The following LRIG1 variants were observed in gnomAD, a reference collection of about 807,000 sequenced individuals.
The protein encoded by LRIG1 is leucine-rich repeats and immunoglobulin-like domains protein 1.
In LRIG1, 48 loss-of-function variants were observed where a neutral mutation model predicts 99.2. That is an observed-to-expected ratio of 0.48 (90% CI 0.38 to 0.62). LRIG1 has a LOEUF of 0.62. Among genes scored for constraint, LRIG1 ranks in the 20% least tolerant of loss-of-function variants. The pLI, the probability that LRIG1 is intolerant of heterozygous loss-of-function variation, is 0.00. For synonymous variants in LRIG1, 772 were observed against 596.1 expected, an observed-to-expected ratio of 1.29 and a Z score of -4.30; for missense variants, 1,646 against 1,434.4, an observed-to-expected ratio of 1.15 and a Z score of -2.38.
chr3:66,463,684 A>G (rs1466508122), intron 1 of LRIG1, among the ~76,000 whole-genome samples: 1 of 152,218 alleles, frequency 6.6e-6, no homozygotes, highest in Non-Finnish European at 1.5e-5. Context: ...TTTTCATCTC[A>G]GCTATTAATT....
Position 66,386,269 on chromosome 3 carries a change from G to C in LRIG1, c.1501C>G (p.Pro501Ala). The C allele has an allele frequency of 6.2e-7, 1 of 1,614,074 alleles. No individual in the cohort carries two copies. Residue 501 changes from proline to alanine, a missense_variant, in exon 13 of 19, where the codon CCA (proline) becomes GCA (alanine). Transcript: ENST00000273261. ...DFLKPQIITQPETTMAMVGKD... is the reference protein window; with the variant it reads ...DFLKPQIITQAETTMAMVGKD... ...CCCACCATAGCCATGGTGGTTTCTG[G>C]CTGGGTGATGATCTGTGGCTTCAGG...
At chr3:66,491,451 A>G (rs1701099877) in intron 1 of LRIG1, among the ~76,000 whole-genome samples, 1 of 152,192 alleles carries the variant, frequency 6.6e-6, no homozygotes, top group African/African-American at 2.4e-5. Context: ...AGAGCTTGCT[A>G]AACACCTCCT....
At chr3:66,382,872 G>T (rs1701163305) in intron 15 of LRIG1, 110 bp downstream of exon 15, 2 of 984,492 alleles carry the variant, frequency 2.0e-6, no homozygotes, top group Admixed American at 2.7e-5. Context: ...ACCCTCAGGA[G>T]TTCTGAACAC....
chr3:66,479,013 C>T (rs747598177), intron 1 of LRIG1, among the ~76,000 whole-genome samples: 1 of 152,174 alleles, frequency 6.6e-6, no homozygotes, highest in Non-Finnish European at 1.5e-5. Flanking sequence ...TCAATTAGCT[C>T]TGTCAGCCCA....
intron 3 of LRIG1, among the ~76,000 whole-genome samples, chr3:66,433,160 G>C (rs957915305): frequency 6.6e-6 from 1 of 152,202 alleles, no homozygotes; most frequent in Non-Finnish European, 1.5e-5. Context: ...AAAGAAACTT[G>C]TTCGCTCATT....
chr3:66,479,161 C>G (rs1309464472), intron 1 of LRIG1, among the ~76,000 whole-genome samples: 1 of 152,250 alleles, frequency 6.6e-6, no homozygotes, highest in Non-Finnish European at 1.5e-5. Context: ...CAATACTGCA[C>G]TTCTGTCTAA....
At chr3:66,410,753 T>C (rs1052017009) in intron 6 of LRIG1, among the ~76,000 whole-genome samples, 12 of 152,116 alleles carry the variant, frequency 7.9e-5, no homozygotes, top group African/African-American at 2.7e-4. Context: ...ATTAAAGGAA[T>C]AGAAAGGAGA....
intron 2 of LRIG1, among the ~76,000 whole-genome samples, chr3:66,455,943 T>C (rs909807566): frequency 2.6e-5 from 4 of 152,260 alleles, no homozygotes; most frequent in African/African-American, 7.2e-5. Context: ...AAGTTTTCTA[T>C]GTGCAATATC....
chr3:66,498,496 T>C (rs775785532), intron 1 of LRIG1, among the ~76,000 whole-genome samples: 66 of 151,866 alleles, frequency 4.3e-4, no homozygotes, highest in Non-Finnish European at 8.4e-4. Flanking sequence ...ACACATGGCA[T>C]TGGGAGTCAC....
At chr3:66,401,004 G>A (rs1575661496) in intron 9 of LRIG1, among the ~76,000 whole-genome samples, 2 of 152,116 alleles carry the variant, frequency 1.3e-5, no homozygotes, top group South Asian at 4.1e-4. Flanking sequence ...CTCCCTGGGG[G>A]CCACCATTCA....
intron 3 of LRIG1, among the ~76,000 whole-genome samples, chr3:66,448,220 C>G (rs1369991013): frequency 6.6e-6 from 1 of 152,176 alleles, no homozygotes; most frequent in Non-Finnish European, 1.5e-5. Flanking sequence ...TTTTGAAGAC[C>G]TGACAGAAAA....
rs559213090 is a variant in LRIG1, at chr3:66,423,754, G to C, written c.366-6488C>G. Among the ~76,000 whole-genome samples the C allele has an allele frequency of 6.6e-5, 10 of 152,252 alleles. No individual in the cohort carries two copies. The East Asian group carries it at 1.7e-3, about 27-fold the overall frequency. On this transcript the variant is annotated intron_variant, in intron 3 of 18. Transcript: ENST00000273261. ...AACAATATGCCTTGAGTGTCTTCCT[G>C]CCCAGGTTCAAATCCCAGCTATCCC...
chr3:66,398,104 A>C lies in LRIG1; in HGVS notation c.1304+8T>G. ...CATTAATCAGACCCAGGGAATCCAG[A>C]TACTTACAGCTCTTTAAGATTCTTC... On this transcript the variant is annotated splice_region_variant and intron_variant, in intron 11 of 18. Transcript: ENST00000273261. 6.2e-7 allele frequency: 1 copy of C among 1,609,784 alleles called. No homozygotes were observed. The highest frequency in any genetic ancestry group is 1.1e-5 in the South Asian group (1 of 90,914).
chr3:66,387,275 A>G (rs569694344), intron 12 of LRIG1: 2 of 152,120 alleles, frequency 1.3e-5, no homozygotes, highest in Admixed American at 6.5e-5. Context: ...CTGGGGATCT[A>G]GACAGCCACA....
chr3:66,434,087 T>A (rs927937069), intron 3 of LRIG1, among the ~76,000 whole-genome samples: 2 of 152,226 alleles, frequency 1.3e-5, no homozygotes, highest in Non-Finnish European at 2.9e-5. Context: ...TTAACACTTA[T>A]TAGGCTTTAT....
intron 3 of LRIG1, among the ~76,000 whole-genome samples, chr3:66,446,024 T>C (rs1224614162): frequency 6.6e-6 from 1 of 152,238 alleles, no homozygotes; most frequent in Non-Finnish European, 1.5e-5. Context: ...AGATCACAGC[T>C]GCCTCTCTCT....
chr3:66,474,654 A>G (rs752193626), intron 1 of LRIG1, among the ~76,000 whole-genome samples: 3 of 152,042 alleles, frequency 2.0e-5, no homozygotes, highest in African/African-American at 7.2e-5. Context: ...CCCCATCTAC[A>G]TTCAATGTGG....
intron 3 of LRIG1, among the ~76,000 whole-genome samples, chr3:66,439,201 G>A (rs964893570): frequency 1.2e-4 from 19 of 152,230 alleles, no homozygotes; most frequent in African/African-American, 3.9e-4. Context: ...AGGCCTCCCC[G>A]GGCCCAGCCC....
intron 1 of LRIG1, among the ~76,000 whole-genome samples, chr3:66,491,927 AGTTT>A (rs1388601524): frequency 2.0e-5 from 3 of 152,210 alleles, no homozygotes; most frequent in East Asian, 1.9e-4. Context: ...GAAGTGAGTT[AGTTT>A]ATTTAAACTA....
Sources: gnomAD v4.1 joint callset for allele counts (sites outside exome capture counted in the v4.1 genomes callset) on GRCh38, gnomAD v4.1.1 for gene constraint, MANE v1.5 for transcripts, NCBI Gene and HGNC (gene_info 2026-07-23, HGNC 2026-07-21) for gene names.